Variants in TXNDC12 observed in about 807,000 individuals in gnomAD.
TXNDC12 encodes the protein thioredoxin domain containing 12, also known as thioredoxin domain-containing protein 12.
A neutral mutation model predicts 24.2 loss-of-function variants in TXNDC12; 22 were observed. That is an observed-to-expected ratio of 0.91 (90% confidence interval 0.65 to 1.30). The LOEUF (loss-of-function observed/expected upper bound fraction) is 1.30. TXNDC12 is among the 50% of genes most tolerant of loss of function. The probability of loss-of-function intolerance (pLI) is 0.00; values close to 1 mark genes in which losing one functional copy is unlikely to be tolerated. For missense variants in TXNDC12, 184 were observed against 205.8 expected (o/e 0.89, Z 0.65); for synonymous variants, 58 against 73.4 (o/e 0.79, Z 1.07).
intron 2 of TXNDC12, 102 bp from the exon 3 acceptor site, chr1:52,028,732 T>A: frequency 1.1e-6 from 1 of 892,504 alleles, no homozygotes; most frequent in Non-Finnish European, 1.8e-6. Context: ...TTATTTCAAT[T>A]GGGAAAATCT....
chr1:52,040,452 G>A (rs755716762), intron 2 of TXNDC12, among the ~76,000 whole-genome samples: 2 of 152,116 alleles, frequency 1.3e-5, no homozygotes, highest in Non-Finnish European at 2.9e-5. Flanking sequence ...CTACCAAAGT[G>A]CTGGGATTAC....
Position 52,042,892 on chromosome 1 carries a change from G to T in TXNDC12, c.98-1295C>A, listed in dbSNP as rs529482136. 5.3e-5 allele frequency among the ~76,000 whole-genome samples: 8 copies of T among 152,320 alleles called. No individual in the cohort carries two copies. The East Asian group carries it at 1.5e-3, about 29-fold the overall frequency. ...CCGCCTCAGCCTCCCAAACTGCTGG[G>T]ATTACAGGCATGAGCCACTGTGCCC... On this transcript the variant is annotated intron_variant, in intron 1 of 6. Coordinates refer to ENST00000371626, the MANE Select transcript of TXNDC12 (RefSeq NM_015913.4).
chr1:52,027,197 G>T, intron 4 of TXNDC12, 78 bp downstream of exon 4: 2 of 1,097,652 alleles, frequency 1.8e-6, no homozygotes, highest in Non-Finnish European at 2.7e-6. Context: ...TAATGAAGCT[G>T]TAATGAATAT....
chr1:52,023,960 T>C (rs1397459414), intron 5 of TXNDC12, among the ~76,000 whole-genome samples: 1 of 151,962 alleles, frequency 6.6e-6, no homozygotes, highest in South Asian at 2.1e-4. Context: ...GATGCGCAAA[T>C]GGCTATTGAA....
At chr1:52,033,299 G>C (rs777221920) in intron 2 of TXNDC12, 5 of 1,613,998 alleles carry the variant, frequency 3.1e-6, no homozygotes, top group Non-Finnish European at 4.2e-6. Flanking sequence ...GCAGTATGCA[G>C]TTCCCTGAGG....
upstream of TXNDC12, chr1:52,055,338 C>T: frequency 2.2e-6 from 1 of 461,184 alleles, no homozygotes; most frequent in Non-Finnish European, 4.0e-6. Flanking sequence ...TTCTCGAGCG[C>T]GAGTTGCTTT....
intron 2 of TXNDC12, chr1:52,033,883 G>A: frequency 7.0e-7 from 1 of 1,435,656 alleles, no homozygotes; most frequent in Non-Finnish European, 9.1e-7. Context: ...AGACCCTCTT[G>A]TTTCTATGGA....
intron 1 of TXNDC12, among the ~76,000 whole-genome samples, chr1:52,048,732 C>T (rs1342709831): frequency 2.6e-5 from 4 of 152,016 alleles, no homozygotes; most frequent in Non-Finnish European, 5.9e-5. Flanking sequence ...TGGCGCACAC[C>T]TATAATCCCA....
chr1:52,055,312 A>T (rs1169619166), upstream of TXNDC12: 12 of 528,556 alleles, frequency 2.3e-5, 1 homozygote, highest in African/African-American at 3.9e-5. Context: ...GATCACGTAG[A>T]AGGGTACGAG....
At chr1:52,032,486 C>A in intron 2 of TXNDC12, 8 of 1,334,014 alleles carry the variant, frequency 6.0e-6, no homozygotes, top group Non-Finnish European at 7.6e-6. Context: ...CCAGGTTGCA[C>A]CACAATAGTT....
chr1:52,048,844 G>A (rs1468540725), intron 1 of TXNDC12, among the ~76,000 whole-genome samples: 1 of 151,900 alleles, frequency 6.6e-6, no homozygotes, highest in Non-Finnish European at 1.5e-5. Context: ...GTGACAGAGT[G>A]AGACTCTGTC....
At chr1:52,023,448 TTCAATC>T (rs1446063958) in intron 6 of TXNDC12, 37 bp downstream of exon 6, 31 of 1,508,360 alleles carry the variant, frequency 2.1e-5, no homozygotes, top group Non-Finnish European at 2.9e-5. Context: ...TTCATCCTAG[TTCAATC>T]TAGCAATAAT....
chr1:52,034,738 G>A (rs1306747606), intron 2 of TXNDC12, among the ~76,000 whole-genome samples: 1 of 151,832 alleles, frequency 6.6e-6, no homozygotes, highest in Non-Finnish European at 1.5e-5. Context: ...GAGCCAAGGT[G>A]CCTGGCCTGC....
chr1:52,035,229 A>G (rs1401064080), intron 2 of TXNDC12, among the ~76,000 whole-genome samples: 1 of 152,202 alleles, frequency 6.6e-6, no homozygotes, highest in Non-Finnish European at 1.5e-5. Context: ...ATGCACATAT[A>G]CTGGGGTCTT....
chr1:52,033,913 C>G (rs985207110), intron 2 of TXNDC12: 62 of 1,431,248 alleles, frequency 4.3e-5, no homozygotes, highest in Non-Finnish European at 5.5e-5. Context: ...TCTACGCCAG[C>G]TAGGCCCAGG....
intron 2 of TXNDC12, among the ~76,000 whole-genome samples, chr1:52,036,757 T>C (rs938278385): frequency 9.2e-5 from 14 of 152,324 alleles, no homozygotes; most frequent in Non-Finnish European, 1.6e-4. Flanking sequence ...TTCTACGTGT[T>C]TTTCCTCATC....
At chr1:52,034,154 G>A in intron 2 of TXNDC12, 1 of 872,936 alleles carries the variant, frequency 1.1e-6, no homozygotes, top group Non-Finnish European at 1.5e-6. Context: ...AAACCTACTG[G>A]CTCTCAGTAA....
At position 52,034,087 on chromosome 1, in the gene TXNDC12, A is replaced by G. The variant is rs1242997803; in HGVS notation, c.159-5457T>C. The G allele has an allele frequency of 1.9e-5, 24 of 1,266,710 alleles. No individual in the cohort carries two copies. In the East Asian group the frequency reaches 3.2e-4, roughly 17 times the overall value. 78.5% of individuals were successfully genotyped at this position (1,266,710 alleles called of 1,614,324 possible). The stretch of plus-strand genomic sequence containing the variant: ...TTAAATATTGTAAGCAATCAGCACT[A>G]TATTTAGCATATAGAAGGCAATTAA... On this transcript the variant is annotated intron_variant, in intron 2 of 6. Coordinates refer to ENST00000371626, the MANE Select transcript of TXNDC12 (RefSeq NM_015913.4).
chr1:52,031,115 T>C (rs1417903274), intron 2 of TXNDC12, among the ~76,000 whole-genome samples: 1 of 152,076 alleles, frequency 6.6e-6, no homozygotes, highest in African/African-American at 2.4e-5. Context: ...CAAAGCATTT[T>C]GTCTTTTGTC....
Sources: allele counts gnomAD v4.1 joint callset (sites outside exome capture counted in the v4.1 genomes callset), GRCh38; gene constraint gnomAD v4.1.1; transcripts MANE v1.5; gene names NCBI Gene and HGNC (gene_info 2026-07-23, HGNC 2026-07-21).